MAGI2: variants seen among roughly 807,000 people sequenced by gnomAD.
The protein encoded by MAGI2 is membrane associated guanylate kinase, WW and PDZ domain containing 2.
MAGI2 carries 35 observed loss-of-function variants against 133.3 expected under a neutral mutation model. The observed-to-expected ratio is 0.26, with a 90% confidence interval of 0.20 to 0.35. The LOEUF (loss-of-function observed/expected upper bound fraction) is 0.35, where lower values mean the gene tolerates loss of function less well. Ranked by LOEUF, MAGI2 falls within the 10% of genes least tolerant of loss-of-function variation. The pLI is 1.00. For synonymous variants in MAGI2, 729 were observed against 710.6 expected, an observed-to-expected ratio of 1.03 and a Z score of -0.41; for missense variants, 1,636 against 1,863.4, an observed-to-expected ratio of 0.88 and a Z score of 2.25.
chr7:78,619,277 A>C (rs956007218), intron 3 of MAGI2, among the ~76,000 whole-genome samples: 3 of 151,920 alleles, frequency 2.0e-5, no homozygotes, highest in African/African-American at 7.2e-5. Context: ...AAAATGAATT[A>C]AACTGTGAAC....
At chr7:79,338,885 A>G (rs1037042059) in intron 1 of MAGI2, among the ~76,000 whole-genome samples, 3 of 152,104 alleles carry the variant, frequency 2.0e-5, no homozygotes, top group African/African-American at 7.2e-5. Context: ...TAATGCTTCC[A>G]TGATTCTTGA....
intron 3 of MAGI2, among the ~76,000 whole-genome samples, chr7:78,569,848 C>A (rs1801327070): frequency 6.6e-6 from 1 of 152,182 alleles, no homozygotes; most frequent in South Asian, 2.1e-4. Context: ...CCACTGATCA[C>A]TTTCATCATT....
chr7:78,099,593 T>C (rs776047946), intron 20 of MAGI2, among the ~76,000 whole-genome samples: 20 of 152,092 alleles, frequency 1.3e-4, no homozygotes, highest in Non-Finnish European at 1.5e-5. Context: ...GTTATTATCA[T>C]GATCTATATA....
At chr7:78,453,335 C>T (rs1788931975) in intron 6 of MAGI2, among the ~76,000 whole-genome samples, 1 of 152,192 alleles carries the variant, frequency 6.6e-6, no homozygotes, top group Non-Finnish European at 1.5e-5. Flanking sequence ...GAAGCTCTTT[C>T]TTCAGGGATA....
intron 2 of MAGI2, among the ~76,000 whole-genome samples, chr7:78,900,405 A>C (rs1797533415): frequency 6.6e-6 from 1 of 152,094 alleles, no homozygotes. Flanking sequence ...TCTCTGACTT[A>C]ATTCATATGC....
At chr7:79,100,760 T>G (rs943441415) in intron 1 of MAGI2, among the ~76,000 whole-genome samples, 5 of 151,954 alleles carry the variant, frequency 3.3e-5, no homozygotes, top group Non-Finnish European at 7.4e-5. Context: ...CTATTTCCAT[T>G]GACTTTATAG....
At chr7:78,438,273 C>CAAA (rs5885062) in intron 6 of MAGI2, among the ~76,000 whole-genome samples, 61 of 148,320 alleles carry the variant, frequency 4.1e-4, no homozygotes, top group African/African-American at 1.4e-3. Flanking sequence ...GTCATAAGTA[C>CAAA]AAAAAAAAAA....
chr7:78,889,272 C>A (rs376540756), intron 2 of MAGI2, among the ~76,000 whole-genome samples: 1 of 152,106 alleles, frequency 6.6e-6, no homozygotes, highest in Non-Finnish European at 1.5e-5. Flanking sequence ...CTGAAAGTGA[C>A]GAGGAGAATG....
At chr7:79,066,900 T>C (rs191577116) in intron 1 of MAGI2, among the ~76,000 whole-genome samples, 85 of 152,256 alleles carry the variant, frequency 5.6e-4, no homozygotes, top group African/African-American at 1.9e-3. Flanking sequence ...GTCATATTTG[T>C]CAAAAAACAG....
chr7:78,300,788 T>C lies in MAGI2; in HGVS notation c.1408+42990A>G, dbSNP rs536484242. ...ACATTATAAACATTCTATGTTGCTATGTATTTGCAGGTTTTCTTTACTTAA... is the reference window on the plus strand; with the variant it reads ...ACATTATAAACATTCTATGTTGCTACGTATTTGCAGGTTTTCTTTACTTAA... On this transcript the variant is annotated intron_variant, in intron 9 of 21. Coordinates refer to ENST00000354212, the MANE Select transcript of MAGI2 (RefSeq NM_012301.4). Among the ~76,000 whole-genome samples, 3 of 152,214 alleles carry C rather than the reference T, an allele frequency of 2.0e-5. No individual in the cohort carries two copies. In the East Asian group the frequency reaches 5.8e-4, roughly 29 times the overall value.
intron 10 of MAGI2, 125 bp downstream of exon 10, chr7:78,255,818 T>C (rs1792907984): frequency 1.9e-6 from 2 of 1,026,932 alleles, no homozygotes; most frequent in Non-Finnish European, 2.9e-6. Context: ...TCTCTCACTC[T>C]TTAAGCTTTA....
chr7:78,284,210 C>A (rs547884883), intron 9 of MAGI2, among the ~76,000 whole-genome samples: 1 of 152,182 alleles, frequency 6.6e-6, no homozygotes, highest in South Asian at 2.1e-4. Context: ...ATGGCTTAAA[C>A]CTTCCCCTAG....
At chr7:78,590,286 G>A (rs1321115068) in intron 3 of MAGI2, among the ~76,000 whole-genome samples, 2 of 152,168 alleles carry the variant, frequency 1.3e-5, no homozygotes, top group Non-Finnish European at 2.9e-5. Context: ...TCCATGCTAG[G>A]AGATTGGCTT....
At chr7:79,312,383 TC>T (rs1328046083) in intron 1 of MAGI2, among the ~76,000 whole-genome samples, 1 of 152,166 alleles carries the variant, frequency 6.6e-6, no homozygotes, top group Non-Finnish European at 1.5e-5. Flanking sequence ...CCAATCATGA[TC>T]TTTGCTAGTG....
chr7:78,998,881 T>A (rs1806576476), intron 2 of MAGI2, among the ~76,000 whole-genome samples: 1 of 152,130 alleles, frequency 6.6e-6, no homozygotes, highest in African/African-American at 2.4e-5. Context: ...AAATGTGCAG[T>A]GGTGTACAGT....
intron 21 of MAGI2, among the ~76,000 whole-genome samples, chr7:78,070,542 GTA>G (rs1563081235): frequency 1.5e-4 from 16 of 107,660 alleles, no homozygotes; most frequent in African/African-American, 6.2e-4. Context: ...GTGTACATAT[GTA>G]TATATGTGTA....
At chr7:78,610,215 T>C (rs1806289205) in intron 3 of MAGI2, among the ~76,000 whole-genome samples, 1 of 152,188 alleles carries the variant, frequency 6.6e-6, no homozygotes, top group African/African-American at 2.4e-5. Flanking sequence ...AGTTGGATTG[T>C]AATTGTGACT....
intron 1 of MAGI2, among the ~76,000 whole-genome samples, chr7:79,328,173 T>C (rs1364614331): frequency 2.6e-5 from 4 of 152,220 alleles, no homozygotes; most frequent in Admixed American, 1.3e-4. Flanking sequence ...TTATAGCTTC[T>C]ACATTATTAA....
Position 79,443,972 on chromosome 7 carries a change from G to T in MAGI2, c.301+9048C>A, listed in dbSNP as rs979533210. Among the ~76,000 whole-genome samples, 5 of 152,184 alleles carry T rather than the reference G, an allele frequency of 3.3e-5. No individual in the cohort carries two copies. In the East Asian group the frequency reaches 9.7e-4, roughly 29 times the overall value. The stretch of plus-strand genomic sequence containing the variant: ...TGTTTCACTATAAGGCAGTTATGAG[G>T]TTGATAAAATTTCTTCTACAAATTT... On this transcript the variant is annotated intron_variant, in intron 1 of 21. Coordinates refer to ENST00000354212, the MANE Select transcript of MAGI2 (RefSeq NM_012301.4).
Sources: gnomAD v4.1 joint callset for allele counts (sites outside exome capture counted in the v4.1 genomes callset) on GRCh38, gnomAD v4.1.1 for gene constraint, MANE v1.5 for transcripts, NCBI Gene and HGNC (gene_info 2026-07-23, HGNC 2026-07-21) for gene names.